The following DGLUCY variants were observed in gnomAD, a reference collection of about 807,000 sequenced individuals.
The protein encoded by DGLUCY is D-glutamate cyclase, mitochondrial.
Under a neutral mutation model 58.5 loss-of-function variants are expected in DGLUCY, and 58 were observed. The ratio of observed to expected loss-of-function variants is 0.99; its 90% CI spans 0.80 to 1.23. DGLUCY has a LOEUF of 1.23. Ranked by LOEUF, DGLUCY falls within the 50% of genes most tolerant of loss-of-function variation. DGLUCY has a pLI of 0.00. For synonymous variants in DGLUCY, 325 were observed against 314.1 expected (o/e 1.03, Z -0.37); for missense variants, 779 against 784.7 (o/e 0.99, Z 0.09).
At chr14:91,218,389 G>T (rs1270691815) in intron 13 of DGLUCY, among the ~76,000 whole-genome samples, 1 of 141,770 alleles carries the variant, frequency 7.1e-6, no homozygotes, top group Non-Finnish European at 1.5e-5. Flanking sequence ...CCCTTATAAA[G>T]AACATAAAAT....
chr14:91,067,252 CT>C (rs1049224520), intron 1 of DGLUCY, among the ~76,000 whole-genome samples: 1 of 151,512 alleles, frequency 6.6e-6, no homozygotes, highest in Admixed American at 6.6e-5. Flanking sequence ...AAAAAAAACA[CT>C]TTTTCATTAG....
At chr14:91,093,038 C>T (rs190844393) in intron 1 of DGLUCY, among the ~76,000 whole-genome samples, 50 of 149,404 alleles carry the variant, frequency 3.3e-4, no homozygotes, top group African/African-American at 1.1e-3. Flanking sequence ...GAGCCAAGAT[C>T]GTGCCACTGC....
chr14:91,154,442 T>C (rs181062601), intron 1 of DGLUCY, among the ~76,000 whole-genome samples: 91 of 152,290 alleles, frequency 6.0e-4, no homozygotes, highest in South Asian at 1.0e-3. Context: ...TTCTGTCTAT[T>C]CTTTGTCGGG....
At chr14:91,122,600 A>T (rs1363126995) in intron 1 of DGLUCY, among the ~76,000 whole-genome samples, 2 of 83,436 alleles carry the variant, frequency 2.4e-5, no homozygotes, top group South Asian at 4.6e-4. Flanking sequence ...TAAAAGAAAA[A>T]AGTTTTTTTT....
Position 91,114,115 on chromosome 14 carries a change from G to C in DGLUCY, c.-250G>C, listed in dbSNP as rs1439586626. On this transcript the variant is annotated 5_prime_UTR_variant, in exon 1 of 14. Transcript: ENST00000256324. ...GGAGCTGCTACAGTCAGCGCTTGGG[G>C]CTGGCCTCAGCTTGTAGACCCGAGC... The C allele has an allele frequency of 6.6e-6, 1 of 152,308 alleles. No homozygotes were observed. The allele number at this position is 152,308 out of a possible 1,614,324, so 9.4% of individuals were successfully genotyped here.
At chr14:91,150,575 GGGAT>G (rs2047269924) in intron 1 of DGLUCY, among the ~76,000 whole-genome samples, 1 of 151,948 alleles carries the variant, frequency 6.6e-6, no homozygotes, top group Admixed American at 6.6e-5. Context: ...CTGAGTAGCT[GGGAT>G]TACAGGTGCA....
chr14:91,213,240 G>C (rs1567012976), intron 12 of DGLUCY, among the ~76,000 whole-genome samples: 1 of 152,158 alleles, frequency 6.6e-6, no homozygotes, highest in Non-Finnish European at 1.5e-5. Flanking sequence ...TTCAGGGCCA[G>C]CCTGGCCAAC....
chr14:91,167,031 C>T (rs1177174662), intron 3 of DGLUCY, among the ~76,000 whole-genome samples, 194 bp from the exon 4 acceptor site: 4 of 150,196 alleles, frequency 2.7e-5, no homozygotes, highest in African/African-American at 7.3e-5. Context: ...CCCAGCTACT[C>T]GGGGGGCTGA....
chr14:91,220,937 CGTG>C (rs1359726472), intron 13 of DGLUCY, among the ~76,000 whole-genome samples: 1 of 152,208 alleles, frequency 6.6e-6, no homozygotes, highest in Non-Finnish European at 1.5e-5. Flanking sequence ...GCTAAGGAAA[CGTG>C]GGGCTCATGG....
chr14:91,148,097 T>C (rs4387537), intron 1 of DGLUCY, among the ~76,000 whole-genome samples: 151,375 of 152,254 alleles, frequency 0.99, 75,259 homozygotes, highest in Middle Eastern at 1. Context: ...TCGCTTGAAC[T>C]AAGTAGGTGG....
At position 91,156,415 on chromosome 14, in the gene DGLUCY, G is replaced by A. The variant is rs924831333; in HGVS notation, c.-81-1224G>A. Among the ~76,000 whole-genome samples, 9 of 152,134 alleles carry A rather than the reference G, an allele frequency of 5.9e-5. 1 individual carries two copies. Among genetic ancestry groups the A allele is most frequent in the African/African-American group, 2.2e-4 (9 of 41,446 alleles). ...AGCCATGAGCCACTGTGCCCGGCCT[G>A]TTTCTAAATCATTTCTTTTACAAAC... On this transcript the variant is annotated intron_variant, in intron 1 of 13. Transcript: ENST00000256324.
chr14:91,112,066 C>T (rs529599303), upstream of DGLUCY, among the ~76,000 whole-genome samples: 51 of 151,480 alleles, frequency 3.4e-4, 1 homozygote, highest in South Asian at 0.01. Flanking sequence ...GGAGCAACCC[C>T]GTCTCTACTA....
intron 1 of DGLUCY, among the ~76,000 whole-genome samples, chr14:91,089,466 G>A (rs1272887609): frequency 1.3e-5 from 2 of 152,176 alleles, no homozygotes; most frequent in Non-Finnish European, 2.9e-5. Flanking sequence ...CTTTATGTAA[G>A]TCTGTCGCCT....
At chr14:91,101,215 G>A (rs745475700) in intron 1 of DGLUCY, among the ~76,000 whole-genome samples, 8 of 152,108 alleles carry the variant, frequency 5.3e-5, no homozygotes, top group African/African-American at 9.7e-5. Context: ...TAGGTACAAC[G>A]CTGGGCAGAA....
chr14:91,136,203 G>A (rs2046329840), intron 1 of DGLUCY, among the ~76,000 whole-genome samples: 10 of 151,286 alleles, frequency 6.6e-5, no homozygotes. Flanking sequence ...AAAGTGCTGG[G>A]ATTACAGGCT....
chr14:91,142,176 C>A (rs925090091), intron 1 of DGLUCY, among the ~76,000 whole-genome samples: 7 of 152,136 alleles, frequency 4.6e-5, no homozygotes, highest in Non-Finnish European at 1.0e-4. Context: ...TCAAGGATCA[C>A]AGGTGGTAGA....
At chr14:91,221,102 CCCCTCTCTGCT>C in intron 13 of DGLUCY, among the ~76,000 whole-genome samples, 1 of 152,336 alleles carries the variant, frequency 6.6e-6, no homozygotes, top group Non-Finnish European at 1.5e-5. Flanking sequence ...AGGCTCCCAG[CCCCTCTCTGCT>C]CCATCTCTGC....
intron 12 of DGLUCY, among the ~76,000 whole-genome samples, chr14:91,205,674 A>C (rs1410252101): frequency 6.6e-6 from 1 of 151,990 alleles, no homozygotes; most frequent in African/African-American, 2.4e-5. Flanking sequence ...AAGTTCTCAC[A>C]ATGGATATTA....
At chr14:91,209,280 GACAAA>G (rs894147757) in intron 12 of DGLUCY, among the ~76,000 whole-genome samples, 10 of 151,468 alleles carry the variant, frequency 6.6e-5, no homozygotes, top group Non-Finnish European at 1.5e-4. Flanking sequence ...CAACAACGAC[GACAAA>G]ACAAAAGAAC....
Sources: gnomAD v4.1 joint callset for allele counts (sites outside exome capture counted in the v4.1 genomes callset) on GRCh38, gnomAD v4.1.1 for gene constraint, MANE v1.5 for transcripts, NCBI Gene and HGNC (gene_info 2026-07-23, HGNC 2026-07-21) for gene names.